The following NLK variants were observed in gnomAD, a reference collection of about 807,000 sequenced individuals.
The protein encoded by NLK is serine/threonine-protein kinase NLK.
NLK carries 11 observed loss-of-function variants against 59.0 expected under a neutral mutation model. That is an observed-to-expected ratio of 0.19 (90% CI 0.12 to 0.31). The LOEUF (loss-of-function observed/expected upper bound fraction) is 0.31, where lower values mean the gene tolerates loss of function less well. NLK is among the 10% of genes least tolerant of loss of function. The pLI is 1.00. For synonymous variants in NLK, 235 were observed against 235.9 expected (o/e 1.00, Z 0.03); for missense variants, 410 against 661.1 (o/e 0.62, Z 4.16).
At chr17:28,082,681 A>G (rs576990941) in intron 1 of NLK, among the ~76,000 whole-genome samples, 34 of 152,358 alleles carry the variant, frequency 2.2e-4, no homozygotes, top group African/African-American at 7.9e-4. Context: ...GTTGACCTCT[A>G]AAGTTGATGC....
intron 3 of NLK, among the ~76,000 whole-genome samples, chr17:28,136,950 C>CA (rs67290939): frequency 0.092 from 7,432 of 80,416 alleles, 230 homozygotes; most frequent in East Asian, 0.21. Context: ...GTAGCCAAAG[C>CA]AAAAAAAAAA....
chr17:28,111,931 GTGTGTGTGTGTGTGTA>G, intron 1 of NLK, among the ~76,000 whole-genome samples: 1 of 148,852 alleles, frequency 6.7e-6, no homozygotes, highest in East Asian at 2.0e-4. Flanking sequence ...GTGTGTGTGT[GTGTGTGTGTGTGTGTA>G]TGTGTAGGGA....
chr17:28,139,529 G>C (rs1028981695), intron 3 of NLK, among the ~76,000 whole-genome samples: 1 of 152,142 alleles, frequency 6.6e-6, no homozygotes, highest in Admixed American at 6.6e-5. Flanking sequence ...TCAGTATCTG[G>C]TTAGCCTTGC....
intron 1 of NLK, among the ~76,000 whole-genome samples, chr17:28,103,416 G>C (rs1904969912): frequency 6.6e-6 from 1 of 152,132 alleles, no homozygotes; most frequent in South Asian, 2.1e-4. Context: ...TTTGAAAGTT[G>C]TATTCATCCA....
At chr17:28,200,592 T>C (rs1465478234), downstream of NLK, among the ~76,000 whole-genome samples, 2 of 152,240 alleles carry the variant, frequency 1.3e-5, no homozygotes, top group South Asian at 2.1e-4. Flanking sequence ...CAAGCGATTC[T>C]CCTGCCTCAG....
chr17:28,141,531 A>C (rs139368850), intron 3 of NLK, among the ~76,000 whole-genome samples: 1 of 152,288 alleles, frequency 6.6e-6, no homozygotes, highest in Non-Finnish European at 1.5e-5. Context: ...TTTACAGTAG[A>C]TCATACTGGA....
chr17:28,104,832 G>A (rs898240535), intron 1 of NLK, among the ~76,000 whole-genome samples: 2 of 152,156 alleles, frequency 1.3e-5, no homozygotes, highest in African/African-American at 4.8e-5. Context: ...CACCCCTGGG[G>A]TGGTATTTTG....
At chr17:28,087,716 G>T (rs539834763) in intron 1 of NLK, among the ~76,000 whole-genome samples, 7 of 151,834 alleles carry the variant, frequency 4.6e-5, no homozygotes, top group African/African-American at 1.7e-4. Flanking sequence ...TTTATTTTCT[G>T]TTCAAAATTT....
At chr17:28,107,260 C>G (rs977980452) in intron 1 of NLK, among the ~76,000 whole-genome samples, 3 of 151,948 alleles carry the variant, frequency 2.0e-5, no homozygotes, top group Admixed American at 2.0e-4. Context: ...ATGATGAGAC[C>G]CCCGTCTCTA....
At chr17:28,100,159 A>G (rs1904856695) in intron 1 of NLK, among the ~76,000 whole-genome samples, 1 of 152,130 alleles carries the variant, frequency 6.6e-6, no homozygotes, top group Non-Finnish European at 1.5e-5. Flanking sequence ...ATTTTACATT[A>G]CATAGCTCTT....
At chr17:28,121,514 T>TTC (rs1412909851) in intron 1 of NLK, among the ~76,000 whole-genome samples, 1 of 137,642 alleles carries the variant, frequency 7.3e-6, no homozygotes, top group East Asian at 2.1e-4. Context: ...TTTTTTTTTT[T>TTC]TTTTTTGAGA....
chr17:28,183,363 C>A (rs906224578), intron 7 of NLK, among the ~76,000 whole-genome samples: 9 of 152,276 alleles, frequency 5.9e-5, no homozygotes, highest in African/African-American at 2.2e-4. Flanking sequence ...GAATCTCACT[C>A]TGTCACCCAG....
At chr17:28,151,516 G>A (rs947910777) in intron 3 of NLK, among the ~76,000 whole-genome samples, 2 of 152,094 alleles carry the variant, frequency 1.3e-5, no homozygotes, top group Non-Finnish European at 2.9e-5. Context: ...TCTGCAAAGT[G>A]GCTGTTTTAA....
chr17:28,051,652 C>T (rs113146397), intron 1 of NLK, among the ~76,000 whole-genome samples: 54 of 148,938 alleles, frequency 3.6e-4, no homozygotes, highest in African/African-American at 9.6e-4. Flanking sequence ...CCACTGCGCC[C>T]GGCTTTTTTT....
the NLK span, among the ~76,000 whole-genome samples, chr17:28,204,050 A>C: frequency 6.6e-6 from 1 of 152,198 alleles, no homozygotes; most frequent in African/African-American, 2.4e-5. Context: ...AGCAGCATTC[A>C]GTGGAAGAGA....
chr17:28,189,049 A>G (rs143382725), intron 8 of NLK, among the ~76,000 whole-genome samples: 5 of 152,160 alleles, frequency 3.3e-5, no homozygotes, highest in African/African-American at 1.2e-4. Flanking sequence ...GAGTGCCAAC[A>G]TGACACCACA....
At position 28,043,262 on chromosome 17, in the gene NLK, A is replaced by G. The variant is rs1269835776; in HGVS notation, c.389A>G (p.His130Arg). 6.2e-7 allele frequency: 1 copy of G among 1,613,296 alleles called. No homozygotes were observed. Among genetic ancestry groups the G allele is most frequent in the Non-Finnish European group, 8.5e-7 (1 of 1,179,644 alleles). ...AAGGCGCACCATCATCAGCACTCGC[A>G]TCATCCACAGCAGCAGCTGGATATT... ...TVKAHHHQHS[H>R]HPQQQLDIEP... The change falls in exon 1 of 11, where the codon CAT (histidine) becomes CGT (arginine). Residue 130 changes from histidine (H) to arginine (R), a missense_variant. His to Arg is a conservative substitution (Grantham distance 29). This residue lies in a region of NLK where 73 missense variants were observed against 197.2 expected (regional missense o/e 0.37). Coordinates refer to ENST00000407008, the MANE Select transcript of NLK (RefSeq NM_016231.5).
chr17:28,098,397 G>T (rs776524762), intron 1 of NLK, among the ~76,000 whole-genome samples: 3 of 152,078 alleles, frequency 2.0e-5, no homozygotes, highest in Non-Finnish European at 4.4e-5. Flanking sequence ...TCTAATAATA[G>T]AAATCTGTTA....
At chr17:28,055,743 G>A (rs1909419903) in intron 1 of NLK, among the ~76,000 whole-genome samples, 1 of 152,118 alleles carries the variant, frequency 6.6e-6, no homozygotes, top group African/African-American at 2.4e-5. Flanking sequence ...ACTGGTTTCA[G>A]TATGAGTGAA....
Sources: gnomAD v4.1 joint callset for allele counts (sites outside exome capture counted in the v4.1 genomes callset) on GRCh38, gnomAD v4.1.1 for gene constraint, gnomAD v4.1.1 regional missense constraint, MANE v1.5 for transcripts, NCBI Gene and HGNC (gene_info 2026-07-23, HGNC 2026-07-21) for gene names.